Variants in SLC9A9 observed in about 807,000 individuals in gnomAD.
SLC9A9 encodes the protein solute carrier family 9 member A9.
Under a neutral mutation model 77.8 loss-of-function variants are expected in SLC9A9, and 62 were observed. The ratio of observed to expected loss-of-function variants is 0.80; its 90% confidence interval spans 0.65 to 0.98. The LOEUF (loss-of-function observed/expected upper bound fraction) is 0.98, where lower values mean the gene tolerates loss of function less well. SLC9A9 is among the 50% of genes least tolerant of loss of function. SLC9A9 has a pLI of 0.00. For synonymous variants in SLC9A9, 320 were observed against 283.5 expected (o/e 1.13, Z -1.29); for missense variants, 775 against 774.9 (o/e 1.00, Z 0.00).
intron 14 of SLC9A9, among the ~76,000 whole-genome samples, chr3:143,300,594 G>T (rs1310384997): frequency 1.3e-5 from 2 of 152,200 alleles, no homozygotes; most frequent in African/African-American, 4.8e-5. Flanking sequence ...CAGCTCTCAG[G>T]TGATGCCTAT....
At position 143,585,310 on chromosome 3, in the gene SLC9A9, G is replaced by A. The variant is rs754402574; in HGVS notation, c.756-6587C>T. On this transcript the variant is annotated intron_variant, in intron 6 of 15. Coordinates refer to ENST00000316549, the MANE Select transcript of SLC9A9 (RefSeq NM_173653.4). Reference sequence around the variant, plus strand: ...ACCTGAGACAAATGCATATCTGATTGTTTCTGCCCTATAGTTTATGTAAAA... The same window carrying A: ...ACCTGAGACAAATGCATATCTGATTATTTCTGCCCTATAGTTTATGTAAAA... Among the ~76,000 whole-genome samples, 93 of 152,264 alleles carry A rather than the reference G, an allele frequency of 6.1e-4. 2 individuals are homozygous for A. The Middle Eastern group carries it at 0.02, about 33-fold the overall frequency.
intron 4 of SLC9A9, among the ~76,000 whole-genome samples, chr3:143,695,436 T>C (rs1186311103): frequency 6.6e-6 from 1 of 152,034 alleles, no homozygotes; most frequent in Middle Eastern, 3.2e-3. Flanking sequence ...ACATGCGGTG[T>C]TTGGTTTTCT....
chr3:143,329,177 T>C (rs1186184026), intron 14 of SLC9A9, among the ~76,000 whole-genome samples: 3 of 152,212 alleles, frequency 2.0e-5, no homozygotes, highest in Non-Finnish European at 4.4e-5. Flanking sequence ...GTATATTGCA[T>C]AAAGGATGTT....
chr3:143,665,078 G>A (rs894515352), intron 5 of SLC9A9, among the ~76,000 whole-genome samples: 3 of 152,128 alleles, frequency 2.0e-5, no homozygotes, highest in African/African-American at 7.2e-5. Context: ...TGACCACATA[G>A]GTGGAAGTAA....
intron 6 of SLC9A9, among the ~76,000 whole-genome samples, chr3:143,588,349 T>C (rs1470012958): frequency 6.6e-6 from 1 of 152,184 alleles, no homozygotes; most frequent in Non-Finnish European, 1.5e-5. Context: ...ATTGGAAATG[T>C]CTGAGCACGC....
intron 12 of SLC9A9, among the ~76,000 whole-genome samples, chr3:143,428,027 G>A (rs1173955245): frequency 6.6e-6 from 1 of 152,168 alleles, no homozygotes; most frequent in Non-Finnish European, 1.5e-5. Context: ...ATTGAGCTGG[G>A]CAAGGATTTT....
At chr3:143,440,597 T>C (rs966200582) in intron 12 of SLC9A9, among the ~76,000 whole-genome samples, 1 of 152,152 alleles carries the variant, frequency 6.6e-6, no homozygotes, top group Non-Finnish European at 1.5e-5. Flanking sequence ...CCACAGGGTA[T>C]CCCACCGGGT....
At chr3:143,814,190 G>A (rs1263543849) in intron 2 of SLC9A9, among the ~76,000 whole-genome samples, 2 of 152,144 alleles carry the variant, frequency 1.3e-5, no homozygotes. Flanking sequence ...TGACTCAGCA[G>A]GAGTAAGAGG....
intron 14 of SLC9A9, among the ~76,000 whole-genome samples, chr3:143,318,260 A>C (rs374924344): frequency 6.6e-6 from 1 of 152,252 alleles, no homozygotes; most frequent in Non-Finnish European, 1.5e-5. Context: ...AGGCTAGAAT[A>C]TTTAGACAGG....
chr3:143,537,814 T>C (rs1411804189), intron 9 of SLC9A9, among the ~76,000 whole-genome samples: 1 of 152,158 alleles, frequency 6.6e-6, no homozygotes, highest in Non-Finnish European at 1.5e-5. Flanking sequence ...GGCAGGTGGG[T>C]TGGGAGGGCC....
At chr3:143,746,728 C>T (rs1935206282) in intron 4 of SLC9A9, among the ~76,000 whole-genome samples, 1 of 151,914 alleles carries the variant, frequency 6.6e-6, no homozygotes, top group South Asian at 2.1e-4. Context: ...TGCTGCCTGC[C>T]TATCAAAGAT....
At chr3:143,408,119 CG>C (rs2034019574) in intron 12 of SLC9A9, among the ~76,000 whole-genome samples, 2 of 152,066 alleles carry the variant, frequency 1.3e-5, no homozygotes, top group South Asian at 4.1e-4. Context: ...TCTATCAGAT[CG>C]GGGCCCAATG....
chr3:143,752,130 C>A (rs2006744390), intron 4 of SLC9A9, among the ~76,000 whole-genome samples: 1 of 152,202 alleles, frequency 6.6e-6, no homozygotes, highest in African/African-American at 2.4e-5. Context: ...CCACAGAGTT[C>A]TCAGAAATCT....
At chr3:143,279,572 A>C (rs1938155360) in intron 14 of SLC9A9, among the ~76,000 whole-genome samples, 1 of 151,814 alleles carries the variant, frequency 6.6e-6, no homozygotes. Flanking sequence ...TAAATCCCCC[A>C]CCACTCAACG....
intron 4 of SLC9A9, among the ~76,000 whole-genome samples, chr3:143,723,894 C>T (rs1163171105): frequency 1.3e-5 from 2 of 152,090 alleles, no homozygotes; most frequent in Non-Finnish European, 2.9e-5. Context: ...CCAGGTGATT[C>T]GAATTTGAGA....
chr3:143,628,474 G>T (rs930916392), intron 6 of SLC9A9, among the ~76,000 whole-genome samples: 2 of 152,122 alleles, frequency 1.3e-5, no homozygotes, highest in African/African-American at 4.8e-5. Flanking sequence ...CAGAATGGTT[G>T]TATGGGTGCT....
chr3:143,713,435 C>A (rs182684884), intron 4 of SLC9A9, among the ~76,000 whole-genome samples: 18 of 152,184 alleles, frequency 1.2e-4, no homozygotes, highest in Admixed American at 2.6e-4. Context: ...GAGTTTAGAA[C>A]TGGAGGGTGG....
chr3:143,512,417 AC>A (rs1357140611), intron 9 of SLC9A9, among the ~76,000 whole-genome samples: 1 of 152,238 alleles, frequency 6.6e-6, no homozygotes, highest in African/African-American at 2.4e-5. Flanking sequence ...TACTTAAACT[AC>A]AGGCATACTA....
chr3:143,354,672 C>T (rs2032543042), intron 14 of SLC9A9, among the ~76,000 whole-genome samples: 1 of 152,228 alleles, frequency 6.6e-6, no homozygotes, highest in Non-Finnish European at 1.5e-5. Flanking sequence ...AAACATTATA[C>T]TCTTTTTTCA....
Sources: allele counts gnomAD v4.1 joint callset (sites outside exome capture counted in the v4.1 genomes callset), GRCh38; gene constraint gnomAD v4.1.1; transcripts MANE v1.5; gene names NCBI Gene and HGNC (gene_info 2026-07-23, HGNC 2026-07-21).